The following CCDC171 variants were observed in gnomAD, a reference collection of about 807,000 sequenced individuals.
CCDC171 encodes coiled-coil domain containing 171, also known as coiled-coil domain-containing protein 171.
In CCDC171, 177 loss-of-function variants were observed where a neutral mutation model predicts 168.2. That is an observed-to-expected ratio of 1.05 (90% CI 0.93 to 1.19). The LOEUF (loss-of-function observed/expected upper bound fraction) is 1.19. CCDC171 is among the 50% of genes most tolerant of loss of function. CCDC171 has a pLI of 0.00. For synonymous variants in CCDC171, 687 were observed against 540.8 expected, an observed-to-expected ratio of 1.27 and a Z score of -3.75; for missense variants, 1,991 against 1,539.0, an observed-to-expected ratio of 1.29 and a Z score of -4.91.
At chr9:15,915,308 G>A (rs1166573473) in intron 24 of CCDC171, among the ~76,000 whole-genome samples, 1 of 151,252 alleles carries the variant, frequency 6.6e-6, no homozygotes, top group Non-Finnish European at 1.5e-5. Context: ...TCTTTCATCA[G>A]TGTTTTGTAG....
chr9:15,747,954 G>T (rs2055421255), intron 18 of CCDC171, among the ~76,000 whole-genome samples: 1 of 152,096 alleles, frequency 6.6e-6, no homozygotes, highest in African/African-American at 2.4e-5. Flanking sequence ...ACTTCTCCGA[G>T]CTAAAGGAGC....
chr9:15,825,428 G>A (rs528311684), intron 21 of CCDC171, among the ~76,000 whole-genome samples: 5 of 152,162 alleles, frequency 3.3e-5, no homozygotes, highest in East Asian at 1.9e-4. Context: ...CTTTACATAC[G>A]TTCTCTGCAA....
At chr9:15,801,233 T>A (rs2058806647) in intron 21 of CCDC171, among the ~76,000 whole-genome samples, 1 of 151,992 alleles carries the variant, frequency 6.6e-6, no homozygotes, top group African/African-American at 2.4e-5. Context: ...ATTGATTCTT[T>A]CAATCCATGA....
chr9:16,082,786 T>C, the CCDC171 span, among the ~76,000 whole-genome samples: 163 of 152,334 alleles, frequency 1.1e-3, no homozygotes, highest in African/African-American at 3.7e-3. Context: ...TCAGGTGGAA[T>C]CTTTTATTTA....
intron 6 of CCDC171, among the ~76,000 whole-genome samples, chr9:15,614,915 T>A (rs2043972321): frequency 2.6e-5 from 4 of 152,154 alleles, no homozygotes; most frequent in African/African-American, 9.7e-5. Flanking sequence ...ATTAAATAGA[T>A]TGAGTCAATG....
intron 7 of CCDC171, among the ~76,000 whole-genome samples, chr9:15,632,408 A>C (rs1229860295): frequency 6.6e-6 from 1 of 151,930 alleles, no homozygotes; most frequent in African/African-American, 2.4e-5. Flanking sequence ...TAATGAGTGA[A>C]CTCCCATTCA....
chr9:15,725,084 C>T (rs2053712981), intron 14 of CCDC171, 108 bp downstream of exon 14: 1 of 791,382 alleles, frequency 1.3e-6, no homozygotes, highest in Non-Finnish European at 2.1e-6. Flanking sequence ...TTGTTCTGAG[C>T]AGAGTATTTT....
intron 25 of CCDC171, among the ~76,000 whole-genome samples, chr9:15,946,184 T>C (rs1158552804): frequency 2.6e-5 from 4 of 151,972 alleles, no homozygotes; most frequent in Admixed American, 2.6e-4. Context: ...AAAGATCAGA[T>C]AGTTGTAGAT....
At chr9:16,021,970 G>C (rs755519430) in intron 4 of CCDC171, among the ~76,000 whole-genome samples, 2 of 152,196 alleles carry the variant, frequency 1.3e-5, no homozygotes, top group Non-Finnish European at 2.9e-5. Context: ...TGTTACTGCA[G>C]CCTAAGCAGC....
At chr9:15,780,662 C>T (rs2057617235) in intron 20 of CCDC171, among the ~76,000 whole-genome samples, 2 of 152,170 alleles carry the variant, frequency 1.3e-5, no homozygotes, top group Admixed American at 1.3e-4. Flanking sequence ...TGCCTTTATG[C>T]ACAGTTGTAG....
intron 25 of CCDC171, among the ~76,000 whole-genome samples, chr9:15,967,026 A>G (rs1022303413): frequency 8.5e-5 from 13 of 152,194 alleles, no homozygotes; most frequent in African/African-American, 3.1e-4. Context: ...AGAGTATTCC[A>G]CAAGAGAAAA....
At chr9:15,869,512 T>G (rs1480715484) in intron 23 of CCDC171, among the ~76,000 whole-genome samples, 1 of 70,338 alleles carries the variant, frequency 1.4e-5, no homozygotes. Flanking sequence ...GAAAGCGTAG[T>G]GTTTTTTTTT....
intron 24 of CCDC171, among the ~76,000 whole-genome samples, chr9:15,893,979 A>G (rs1192150389): frequency 6.6e-6 from 1 of 152,174 alleles, no homozygotes; most frequent in African/African-American, 2.4e-5. Flanking sequence ...ATGCACACGT[A>G]TGTTCGTTGT....
intron 11 of CCDC171, among the ~76,000 whole-genome samples, chr9:15,705,533 A>G (rs2052153440): frequency 6.6e-6 from 1 of 152,180 alleles, no homozygotes. Context: ...TTCTACCCAG[A>G]AAGCTTTTTA....
At chr9:15,597,399 A>G (rs1018789515) in intron 6 of CCDC171, among the ~76,000 whole-genome samples, 3 of 152,114 alleles carry the variant, frequency 2.0e-5, no homozygotes, top group African/African-American at 4.8e-5. Context: ...ATTTATTGAG[A>G]TAATATGTGG....
At chr9:15,829,203 A>G (rs923478782) in intron 21 of CCDC171, among the ~76,000 whole-genome samples, 19 of 152,216 alleles carry the variant, frequency 1.2e-4, no homozygotes, top group Non-Finnish European at 2.2e-4. Context: ...AGTAAATGTT[A>G]TAGCAGGAAT....
intron 7 of CCDC171, among the ~76,000 whole-genome samples, chr9:15,650,470 A>G (rs2047427198): frequency 6.6e-6 from 1 of 152,132 alleles, no homozygotes; most frequent in Non-Finnish European, 1.5e-5. Context: ...TTTAGTTTTC[A>G]TTTCCCCAGT....
chr9:15,661,253 C>A (rs1304952901), intron 8 of CCDC171, among the ~76,000 whole-genome samples: 1 of 139,232 alleles, frequency 7.2e-6, no homozygotes, highest in Non-Finnish European at 1.5e-5. Context: ...GAAATCCAGC[C>A]TGGGCGACAG....
intron 3 of CCDC171, among the ~76,000 whole-genome samples, chr9:16,015,696 G>A (rs536256763): frequency 5.3e-5 from 8 of 152,178 alleles, no homozygotes; most frequent in East Asian, 1.9e-4. Context: ...GAGAGCATTC[G>A]TATTGTTATG....
Sources: gnomAD v4.1 joint callset for allele counts (sites outside exome capture counted in the v4.1 genomes callset) on GRCh38, gnomAD v4.1.1 for gene constraint, MANE v1.5 for transcripts, NCBI Gene and HGNC (gene_info 2026-07-23, HGNC 2026-07-21) for gene names.